Variants in ZNF407 observed in about 807,000 individuals in gnomAD.
ZNF407 encodes zinc finger protein 407.
A neutral mutation model predicts 131.2 loss-of-function variants in ZNF407; 17 were observed. The observed-to-expected ratio is 0.13, with a 90% CI of 0.09 to 0.19. ZNF407 has a LOEUF of 0.19. ZNF407 is among the 10% of genes least tolerant of loss of function. The pLI is 1.00. For missense variants in ZNF407, 2,681 were observed against 2,830.6 expected (o/e 0.95, Z 1.20); for synonymous variants, 1,156 against 1,062.0 (o/e 1.09, Z -1.72).
chr18:74,838,025 A>T (rs1249621755), intron 4 of ZNF407, among the ~76,000 whole-genome samples: 2 of 152,162 alleles, frequency 1.3e-5, no homozygotes, highest in African/African-American at 4.8e-5. Context: ...TTTTTTCAAC[A>T]TTATTACTTA....
intron 4 of ZNF407, among the ~76,000 whole-genome samples, chr18:74,806,204 C>T (rs561997272): frequency 3.0e-4 from 45 of 152,326 alleles, no homozygotes; most frequent in African/African-American, 9.6e-4. Flanking sequence ...AGGCCCACAC[C>T]TTGGCTAGGC....
intron 1 of ZNF407, among the ~76,000 whole-genome samples, chr18:74,606,846 G>A (rs1337543682): frequency 5.3e-5 from 8 of 152,162 alleles, no homozygotes; most frequent in African/African-American, 1.7e-4. Flanking sequence ...AGATATATCC[G>A]GTGTAATTCA....
Position 75,063,722 on chromosome 18 carries a change from G to C in ZNF407, c.6001G>C (p.Glu2001Gln). 6.2e-7 allele frequency: 1 copy of C among 1,611,740 alleles called. No homozygotes were observed. The highest frequency in any genetic ancestry group is 8.5e-7 in the Non-Finnish European group (1 of 1,179,778). ...ALLCAVTELGEVEGRAGLEEQ... is the reference protein window; with the variant it reads ...ALLCAVTELGQVEGRAGLEEQ... ...GCTCTGTGCGGTCACTGAATTAGGG[G>C]AGGTGGAGGGCAGGGCTGGGCTCGA... Residue 2001 changes from glutamate (E) to glutamine (Q), a missense_variant, in exon 9 of 9, where the codon GAG becomes CAG. Transcript: ENST00000299687. This position sits in a 1 kb window ranked among gnomAD's most constrained non-coding sequence, Gnocchi z 6.6.
chr18:74,617,451 T>C (rs2144632907), intron 1 of ZNF407, among the ~76,000 whole-genome samples: 1 of 152,368 alleles, frequency 6.6e-6, no homozygotes, highest in Admixed American at 6.5e-5. Flanking sequence ...CCTTCTTTAA[T>C]CAGGAATATT....
At chr18:74,626,695 C>T (rs535912133) in intron 1 of ZNF407, among the ~76,000 whole-genome samples, 2 of 152,314 alleles carry the variant, frequency 1.3e-5, no homozygotes, top group South Asian at 2.1e-4. Context: ...TACTACAACC[C>T]AGCAGTGCAA....
chr18:74,899,421 G>T (rs192905322), intron 7 of ZNF407, among the ~76,000 whole-genome samples: 10 of 152,250 alleles, frequency 6.6e-5, no homozygotes, highest in Non-Finnish European at 1.2e-4. Flanking sequence ...CATCCTTCGG[G>T]TGTGCTGGTC....
intron 4 of ZNF407, among the ~76,000 whole-genome samples, chr18:74,835,377 C>T (rs1970540838): frequency 6.6e-6 from 1 of 152,140 alleles, no homozygotes; most frequent in Non-Finnish European, 1.5e-5. Flanking sequence ...GCCCAGTGGT[C>T]AGTGTTGCAC....
At chr18:75,044,237 T>TG (rs1317446305) in intron 8 of ZNF407, among the ~76,000 whole-genome samples, 1 of 152,078 alleles carries the variant, frequency 6.6e-6, no homozygotes, top group African/African-American at 2.4e-5. Flanking sequence ...TAGCAGCACT[T>TG]GGGGGAAAGT....
intron 6 of ZNF407, among the ~76,000 whole-genome samples, chr18:74,885,686 G>A (rs1971299614): frequency 6.6e-6 from 1 of 152,200 alleles, no homozygotes; most frequent in Admixed American, 6.5e-5. Context: ...ACTACATGGG[G>A]AAGTGTTTTT....
intron 3 of ZNF407, among the ~76,000 whole-genome samples, chr18:74,752,762 G>A (rs1215874510): frequency 2.0e-5 from 3 of 152,210 alleles, no homozygotes; most frequent in African/African-American, 7.2e-5. Flanking sequence ...GTACCATGCT[G>A]TTTTGGTTAC....
chr18:74,835,170 C>A (rs1462180259), intron 4 of ZNF407, among the ~76,000 whole-genome samples: 1 of 152,156 alleles, frequency 6.6e-6, no homozygotes, highest in African/African-American at 2.4e-5. Flanking sequence ...GCAACCAGAA[C>A]AAACCCTGGT....
At chr18:74,764,937 C>G (rs1034680202) in intron 3 of ZNF407, among the ~76,000 whole-genome samples, 2 of 152,122 alleles carry the variant, frequency 1.3e-5, no homozygotes, top group Non-Finnish European at 2.9e-5. Flanking sequence ...TCTTCATTCT[C>G]ATTATCTTCA....
intron 7 of ZNF407, among the ~76,000 whole-genome samples, chr18:74,907,181 C>T (rs1320584008): frequency 6.6e-6 from 1 of 152,092 alleles, no homozygotes; most frequent in Non-Finnish European, 1.5e-5. Context: ...TTTTATACAA[C>T]AAGTAAGGTT....
intron 8 of ZNF407, among the ~76,000 whole-genome samples, chr18:74,996,610 G>A (rs1428516570): frequency 6.6e-6 from 1 of 152,218 alleles, no homozygotes; most frequent in East Asian, 1.9e-4. Flanking sequence ...AATATGGGAT[G>A]TAGAATTAGG....
chr18:74,958,622 A>C (rs1002105166), intron 8 of ZNF407, among the ~76,000 whole-genome samples: 12 of 152,200 alleles, frequency 7.9e-5, no homozygotes, highest in East Asian at 1.9e-4. Flanking sequence ...GACACAAGCT[A>C]TGCAGGCAGA....
At chr18:74,656,529 C>T (rs923978722) in intron 3 of ZNF407, among the ~76,000 whole-genome samples, 14 of 152,082 alleles carry the variant, frequency 9.2e-5, no homozygotes, top group African/African-American at 2.7e-4. Context: ...TCCCCTCTGG[C>T]GTCACGAACC....
intron 8 of ZNF407, among the ~76,000 whole-genome samples, chr18:74,970,919 A>C (rs374368871): frequency 7.9e-4 from 120 of 152,372 alleles, no homozygotes; most frequent in African/African-American, 2.8e-3. Context: ...TTTTGCCTGG[A>C]CATGCAGGCA....
chr18:74,755,998 A>G (rs1469293352), intron 3 of ZNF407, among the ~76,000 whole-genome samples: 6 of 136,490 alleles, frequency 4.4e-5, no homozygotes, highest in Non-Finnish European at 9.1e-5. Context: ...AGTTGAAGCT[A>G]TTCTTCTGCC....
intron 4 of ZNF407, among the ~76,000 whole-genome samples, chr18:74,802,415 A>G (rs1299795194): frequency 6.6e-6 from 1 of 152,190 alleles, no homozygotes; most frequent in Non-Finnish European, 1.5e-5. Context: ...ACTGTTGTGG[A>G]AAAGGCATTT....
Sources: gnomAD v4.1 joint callset for allele counts (sites outside exome capture counted in the v4.1 genomes callset) on GRCh38, gnomAD v4.1.1 for gene constraint, Gnocchi (gnomAD v3.1) non-coding constraint, MANE v1.5 for transcripts, NCBI Gene and HGNC (gene_info 2026-07-23, HGNC 2026-07-21) for gene names.